The following SIMC1 variants were observed in gnomAD, a reference collection of about 807,000 sequenced individuals.
The protein encoded by SIMC1 is SUMO interacting motifs containing 1.
Under a neutral mutation model 82.3 loss-of-function variants are expected in SIMC1, and 55 were observed. The observed-to-expected ratio is 0.67, with a 90% CI of 0.54 to 0.84. The LOEUF (loss-of-function observed/expected upper bound fraction) is 0.84. Among genes scored for constraint, SIMC1 ranks in the 40% least tolerant of loss-of-function variants. The pLI is 0.00. For missense variants in SIMC1, 915 were observed against 1,107.2 expected (o/e 0.83, Z 2.46); for synonymous variants, 353 against 426.3 (o/e 0.83, Z 2.12).
At chr5:176,329,176 T>G (rs1765518500) in intron 7 of SIMC1, among the ~76,000 whole-genome samples, 1 of 151,618 alleles carries the variant, frequency 6.6e-6, no homozygotes, top group Non-Finnish European at 1.5e-5. Flanking sequence ...GCAGTCAAGA[T>G]GTATAACTGT....
At chr5:176,263,750 T>C (rs1430206722) in intron 1 of SIMC1, among the ~76,000 whole-genome samples, 1 of 152,174 alleles carries the variant, frequency 6.6e-6, no homozygotes, top group East Asian at 1.9e-4. Context: ...CTTCTCACAT[T>C]GCAAAATATA....
At chr5:176,277,453 T>C (rs1022792137) in intron 1 of SIMC1, among the ~76,000 whole-genome samples, 2 of 151,876 alleles carry the variant, frequency 1.3e-5, no homozygotes, top group African/African-American at 4.8e-5. Flanking sequence ...TTTAGTTTAA[T>C]TAGATCCCAT....
At chr5:176,272,613 A>G (rs1762493917) in intron 1 of SIMC1, among the ~76,000 whole-genome samples, 1 of 152,126 alleles carries the variant, frequency 6.6e-6, no homozygotes, top group African/African-American at 2.4e-5. Flanking sequence ...CAGCCCACCG[A>G]GCAAGAGCTG....
At position 176,309,068 on chromosome 5, in the gene SIMC1, TA is replaced by T; in HGVS notation, c.1735-4620del. On this transcript the variant is annotated intron_variant, in intron 4 of 9. Transcript: ENST00000429602. ...ATATCCAGTGTAAAGTTACTTAAGC[TA>T]AATCAATTTTGAAGAAGAAAAACTT... 3 of 716,272 alleles carry T rather than the reference TA, an allele frequency of 4.2e-6. No homozygotes were observed. In the South Asian group the frequency reaches 4.9e-5, roughly 12 times the overall value. The allele number at this position is 716,272 out of a possible 1,614,324, so 44.4% of individuals were successfully genotyped here.
intron 4 of SIMC1, among the ~76,000 whole-genome samples, chr5:176,310,991 A>T (rs532830758): frequency 6.6e-6 from 1 of 152,374 alleles, no homozygotes; most frequent in South Asian, 2.1e-4. Context: ...ATTACATATT[A>T]TATGATTCTA....
chr5:176,326,060 T>G (rs1414585362), intron 7 of SIMC1, among the ~76,000 whole-genome samples: 1 of 152,188 alleles, frequency 6.6e-6, no homozygotes, highest in Non-Finnish European at 1.5e-5. Flanking sequence ...AGAATGAATA[T>G]GAATTCATGA....
At chr5:176,309,542 T>G (rs1045200755) in intron 4 of SIMC1, among the ~76,000 whole-genome samples, 1 of 152,234 alleles carries the variant, frequency 6.6e-6, no homozygotes, top group Non-Finnish European at 1.5e-5. Context: ...CTTCAAAATT[T>G]AAAAACTTGT....
intron 5 of SIMC1, among the ~76,000 whole-genome samples, chr5:176,321,319 C>T (rs971885186): frequency 9.2e-5 from 14 of 151,848 alleles, no homozygotes; most frequent in Non-Finnish European, 1.9e-4. Flanking sequence ...TATTCATACT[C>T]ATATCCTTCA....
intron 3 of SIMC1, 108 bp from the exon 4 acceptor site, chr5:176,296,143 G>T (rs1191246037): frequency 6.4e-7 from 1 of 1,565,968 alleles, no homozygotes; most frequent in Non-Finnish European, 8.7e-7. Context: ...CAAGAGCATG[G>T]AGGATAATGG....
chr5:176,268,594 CATA>C (rs1457170646), intron 1 of SIMC1, among the ~76,000 whole-genome samples: 13 of 152,020 alleles, frequency 8.6e-5, no homozygotes, highest in Admixed American at 8.5e-4. Context: ...AGGAATCTTT[CATA>C]ATGATAAAAG....
chr5:176,257,708 T>C (rs1581222657), intron 1 of SIMC1, among the ~76,000 whole-genome samples: 1 of 151,954 alleles, frequency 6.6e-6, no homozygotes, highest in Admixed American at 6.6e-5. Flanking sequence ...TTACTATTTT[T>C]CCCCCCAAAA....
chr5:176,316,670 CAA>C (rs150116376), intron 5 of SIMC1, among the ~76,000 whole-genome samples: 3,194 of 151,518 alleles, frequency 0.021, 49 homozygotes, highest in Middle Eastern at 0.068. Context: ...GCCTGGGCAA[CAA>C]GAGGGAAACT....
chr5:176,308,807 G>A, intron 4 of SIMC1: 5 of 1,247,454 alleles, frequency 4.0e-6, no homozygotes, highest in Non-Finnish European at 5.9e-6. Flanking sequence ...ATGCATATTG[G>A]AGGATCCACA....
At chr5:176,269,249 T>G (rs1424215833) in intron 1 of SIMC1, among the ~76,000 whole-genome samples, 2 of 150,676 alleles carry the variant, frequency 1.3e-5, no homozygotes, top group African/African-American at 2.5e-5. Context: ...GGAAACAGAT[T>G]AAAAAATCAA....
intron 1 of SIMC1, among the ~76,000 whole-genome samples, chr5:176,289,151 T>C (rs567354767): frequency 1.3e-4 from 20 of 152,206 alleles, no homozygotes; most frequent in Non-Finnish European, 1.9e-4. Flanking sequence ...TTAAGGTAGA[T>C]AACCTAACCC....
intron 4 of SIMC1, among the ~76,000 whole-genome samples, chr5:176,305,521 G>C (rs1764296702): frequency 1.5e-5 from 2 of 135,360 alleles, no homozygotes; most frequent in African/African-American, 5.7e-5. Context: ...ACCCCGTCTG[G>C]GAGGGAGGTG....
At chr5:176,288,275 G>C (rs1005498641) in intron 1 of SIMC1, among the ~76,000 whole-genome samples, 2 of 152,076 alleles carry the variant, frequency 1.3e-5, no homozygotes, top group African/African-American at 4.8e-5. Flanking sequence ...TGGTGTGGTG[G>C]TGTACATCTG....
chr5:176,282,061 C>T (rs1422640731), intron 1 of SIMC1, among the ~76,000 whole-genome samples: 5 of 152,260 alleles, frequency 3.3e-5, no homozygotes, highest in Admixed American at 3.3e-4. Context: ...AGGCAGGCCT[C>T]CTTGAGCTGT....
chr5:176,244,556 A>T (rs1004926937), intron 1 of SIMC1, among the ~76,000 whole-genome samples: 2 of 152,008 alleles, frequency 1.3e-5, no homozygotes, highest in Admixed American at 1.3e-4. Flanking sequence ...AGGGAGGAAG[A>T]GCAGCTAGTG....
Sources: allele counts gnomAD v4.1 joint callset (sites outside exome capture counted in the v4.1 genomes callset), GRCh38; gene constraint gnomAD v4.1.1; transcripts MANE v1.5; gene names NCBI Gene and HGNC (gene_info 2026-07-23, HGNC 2026-07-21).